Variants in CSMD3 observed in about 807,000 individuals in gnomAD.
CSMD3 encodes CUB and sushi domain-containing protein 3.
In CSMD3, 177 loss-of-function variants were observed where a neutral mutation model predicts 435.2. The observed-to-expected ratio is 0.41, with a 90% CI of 0.36 to 0.46. The LOEUF is 0.46. Ranked by LOEUF, CSMD3 falls within the 20% of genes least tolerant of loss-of-function variation. The pLI is 0.34. For missense variants in CSMD3, 4,265 were observed against 4,504.6 expected (o/e 0.95, Z 1.52); for synonymous variants, 1,656 against 1,520.5 (o/e 1.09, Z -2.07).
At chr8:112,486,033 C>T (rs1343219360) in intron 31 of CSMD3, among the ~76,000 whole-genome samples, 2 of 149,080 alleles carry the variant, frequency 1.3e-5, no homozygotes, top group Admixed American at 1.3e-4. Context: ...CTAAGTATAT[C>T]TATATAGGCC....
At chr8:112,283,039 A>G (rs966375666) in intron 58 of CSMD3, among the ~76,000 whole-genome samples, 1 of 152,080 alleles carries the variant, frequency 6.6e-6, no homozygotes, top group African/African-American at 2.4e-5. Context: ...TACTTCTCAC[A>G]AAAATGTTCT....
chr8:112,983,050 G>A (rs1426723165), intron 6 of CSMD3, among the ~76,000 whole-genome samples: 2 of 151,814 alleles, frequency 1.3e-5, no homozygotes, highest in South Asian at 2.1e-4. Context: ...TTCCCCATCT[G>A]CTTCTTCTAT....
intron 13 of CSMD3, among the ~76,000 whole-genome samples, chr8:112,713,025 A>T (rs1201607365): frequency 6.6e-6 from 1 of 152,168 alleles, no homozygotes; most frequent in Non-Finnish European, 1.5e-5. Context: ...ATGCAAATCC[A>T]GCACCAGCAA....
intron 10 of CSMD3, among the ~76,000 whole-genome samples, chr8:112,868,706 C>G (rs530809774): frequency 6.6e-6 from 1 of 152,142 alleles, no homozygotes; most frequent in East Asian, 1.9e-4. Flanking sequence ...GCAGTAAACC[C>G]ATAAATATAT....
intron 12 of CSMD3, among the ~76,000 whole-genome samples, chr8:112,829,214 A>T (rs1192844840): frequency 6.6e-6 from 1 of 152,164 alleles, no homozygotes; most frequent in Non-Finnish European, 1.5e-5. Flanking sequence ...GTTAAAATAT[A>T]GATTGATAAA....
intron 38 of CSMD3, among the ~76,000 whole-genome samples, chr8:112,366,008 G>T (rs1252405643): frequency 6.6e-6 from 1 of 152,130 alleles, no homozygotes; most frequent in Non-Finnish European, 1.5e-5. Flanking sequence ...AAACAAGTAG[G>T]ATCAAGACCC....
At chr8:113,132,252 G>A (rs1363032092) in intron 4 of CSMD3, among the ~76,000 whole-genome samples, 1 of 152,092 alleles carries the variant, frequency 6.6e-6, no homozygotes, top group Admixed American at 6.6e-5. Flanking sequence ...TTTGGTCAGG[G>A]GGTACTGTTG....
At chr8:112,869,443 A>T (rs887000138) in intron 10 of CSMD3, among the ~76,000 whole-genome samples, 1 of 152,198 alleles carries the variant, frequency 6.6e-6, no homozygotes, top group African/African-American at 2.4e-5. Flanking sequence ...AAACAAATAC[A>T]ATCTCATAGT....
chr8:112,447,653 T>C lies in CSMD3; in HGVS notation c.5395+24938A>G, dbSNP rs1430551517. ...AATAGGCTATTACTTGGTATAATCT[T>C]ACAAAATTCAGTCTTTGATTTAATA... On this transcript the variant is annotated intron_variant, in intron 32 of 70. Coordinates refer to ENST00000297405, the MANE Select transcript of CSMD3 (RefSeq NM_198123.2). Among the ~76,000 whole-genome samples the C allele has an allele frequency of 3.3e-5, 5 of 152,188 alleles. No homozygotes were observed. In the East Asian group the frequency reaches 5.8e-4, roughly 18 times the overall value.
At chr8:113,086,246 C>CAA (rs796175442) in intron 5 of CSMD3, among the ~76,000 whole-genome samples, 13 of 111,532 alleles carry the variant, frequency 1.2e-4, no homozygotes, top group African/African-American at 2.9e-4. Flanking sequence ...GAGACTCCGT[C>CAA]AAAAAAAAAA....
chr8:112,641,497 C>T (rs2074824954), intron 20 of CSMD3, among the ~76,000 whole-genome samples: 2 of 152,134 alleles, frequency 1.3e-5, no homozygotes, highest in African/African-American at 2.4e-5. Context: ...ATAGAGGTAA[C>T]TAATTTGTCA....
intron 5 of CSMD3, among the ~76,000 whole-genome samples, chr8:113,097,023 T>C (rs2090184482): frequency 6.6e-6 from 1 of 152,066 alleles, no homozygotes; most frequent in African/African-American, 2.4e-5. Context: ...CTTTGGCTCC[T>C]TGTTGATGGA....
rs1027637701 is a variant in CSMD3 at position 112,594,949 on chromosome 8, G to A, written c.3716-7714C>T. 1.7e-3 allele frequency among the ~76,000 whole-genome samples: 255 copies of A among 152,082 alleles called. 1 individual carries two copies. Among genetic ancestry groups the A allele is most frequent in the African/African-American group, 5.4e-3 (222 of 41,494 alleles). On this transcript the variant is annotated intron_variant, in intron 22 of 70. Coordinates refer to ENST00000297405, the MANE Select transcript of CSMD3 (RefSeq NM_198123.2). ...ACAGAAAAACTGGAAACTCTAAAAC[G>A]CAGAGCGCCTCTCCTCCTCCAAAGG...
At chr8:113,403,396 A>G (rs956153743) in intron 1 of CSMD3, among the ~76,000 whole-genome samples, 1 of 151,186 alleles carries the variant, frequency 6.6e-6, no homozygotes, top group African/African-American at 2.4e-5. Flanking sequence ...TTTGGATGCA[A>G]ATAAAAAGAA....
intron 5 of CSMD3, among the ~76,000 whole-genome samples, chr8:113,041,233 G>A (rs2087601056): frequency 2.7e-5 from 2 of 74,346 alleles, no homozygotes; most frequent in South Asian, 5.0e-4. Context: ...GGGTGGGGGG[G>A]AAGGGAAGTT....
At chr8:113,407,116 A>C (rs1296958406) in intron 1 of CSMD3, among the ~76,000 whole-genome samples, 1 of 152,200 alleles carries the variant, frequency 6.6e-6, no homozygotes, top group Admixed American at 6.5e-5. Flanking sequence ...CTGTTACTAA[A>C]AATCAGATTT....
At chr8:112,318,054 ATTCAAGGTCTATCT>A (rs2130856195) in intron 47 of CSMD3, among the ~76,000 whole-genome samples, 1 of 152,144 alleles carries the variant, frequency 6.6e-6, no homozygotes, top group East Asian at 1.9e-4. Context: ...TTAGCACATC[ATTCAAGGTCTATCT>A]TTGCCTTGCT....
At chr8:113,076,429 C>G (rs1285435452) in intron 5 of CSMD3, among the ~76,000 whole-genome samples, 1 of 151,792 alleles carries the variant, frequency 6.6e-6, no homozygotes, top group Non-Finnish European at 1.5e-5. Context: ...CCATAATACC[C>G]AGAACAGCAA....
chr8:112,371,419 G>T (rs1828379452), intron 38 of CSMD3, among the ~76,000 whole-genome samples: 1 of 152,062 alleles, frequency 6.6e-6, no homozygotes, highest in Admixed American at 6.5e-5. Flanking sequence ...GAGTACTGGG[G>T]AGTGGCACAA....
Sources: gnomAD v4.1 joint callset for allele counts (sites outside exome capture counted in the v4.1 genomes callset) on GRCh38, gnomAD v4.1.1 for gene constraint, MANE v1.5 for transcripts, NCBI Gene and HGNC (gene_info 2026-07-23, HGNC 2026-07-21) for gene names.